CAMTA1: variants seen among roughly 807,000 people sequenced by gnomAD.
CAMTA1 encodes calmodulin-binding transcription activator 1.
Under a neutral mutation model 170.9 loss-of-function variants are expected in CAMTA1, and 27 were observed. The observed-to-expected ratio is 0.16, with a 90% CI of 0.12 to 0.22. The LOEUF is 0.22. CAMTA1 is among the 10% of genes least tolerant of loss of function. The probability of loss-of-function intolerance (pLI) is 1.00; values close to 1 mark genes in which losing one functional copy is unlikely to be tolerated. For synonymous variants in CAMTA1, 833 were observed against 891.5 expected (o/e 0.93, Z 1.17); for missense variants, 1,619 against 2,217.2 (o/e 0.73, Z 5.42).
At position 7,482,795 on chromosome 1, in the gene CAMTA1, A is replaced by G. The variant is rs1020111249; in HGVS notation, c.510+14894A>G. ...CTCCCATGGGGTCTCATTTTGCCCT[A>G]TCTGTGCCCTCAGTTTCTCTGCAGC... On this transcript the variant is annotated intron_variant, in intron 6 of 22. Coordinates refer to ENST00000303635, the MANE Select transcript of CAMTA1 (RefSeq NM_015215.4). The surrounding 1 kb of genome is among the most constrained non-coding windows in gnomAD (Gnocchi z 4.2). Among the ~76,000 whole-genome samples the G allele has an allele frequency of 2.6e-5, 4 of 152,152 alleles. No homozygotes were observed. Among genetic ancestry groups the G allele is most frequent in the Non-Finnish European group, 4.4e-5 (3 of 68,020 alleles).
intron 3 of CAMTA1, among the ~76,000 whole-genome samples, chr1:6,851,250 A>G (rs58474913): frequency 0.017 from 2,604 of 152,314 alleles, 35 homozygotes; most frequent in South Asian, 0.033. Flanking sequence ...CAGTAGAAAA[A>G]CCAAATGTAA....
intron 6 of CAMTA1, among the ~76,000 whole-genome samples, chr1:7,519,473 C>G (rs1295262910): frequency 6.6e-6 from 1 of 151,926 alleles, no homozygotes; most frequent in Non-Finnish European, 1.5e-5. Context: ...ATTCAAGGAG[C>G]CTTGGAGATG....
At chr1:7,242,771 AAAATAAATAAAT>A (rs199861423) in intron 4 of CAMTA1, among the ~76,000 whole-genome samples, 77,858 of 145,408 alleles carry the variant, frequency 0.54, 21,742 homozygotes, top group South Asian at 0.62. Context: ...TACTGAAAAT[AAAATAAATAAAT>A]AAATAAATAA....
chr1:6,828,286 CTTTTTTTTTTTTT>C (rs746522147), intron 3 of CAMTA1, among the ~76,000 whole-genome samples: 1 of 69,714 alleles, frequency 1.4e-5, no homozygotes, highest in Non-Finnish European at 2.5e-5. Flanking sequence ...TCATTCCATC[CTTTTTTTTTTTTT>C]TTTTTTTTTT....
At chr1:7,518,726 C>CT (rs2094321345) in intron 6 of CAMTA1, among the ~76,000 whole-genome samples, 1 of 151,968 alleles carries the variant, frequency 6.6e-6, no homozygotes. Context: ...AGGAAGGTGC[C>CT]CCTCACTCAC....
intron 5 of CAMTA1, among the ~76,000 whole-genome samples, chr1:7,320,627 C>G (rs1467107433): frequency 1.3e-5 from 2 of 150,728 alleles, no homozygotes; most frequent in African/African-American, 4.9e-5. Flanking sequence ...TCTCCACTAT[C>G]CCCCTGGGCT....
intron 4 of CAMTA1, among the ~76,000 whole-genome samples, chr1:7,186,863 A>G (rs1376081784): frequency 6.6e-6 from 1 of 152,086 alleles, no homozygotes; most frequent in Non-Finnish European, 1.5e-5. Flanking sequence ...AACCAGGTAA[A>G]TATTTCCTGG....
intron 6 of CAMTA1, among the ~76,000 whole-genome samples, chr1:7,599,196 AATCCT>A (rs2095422361): frequency 6.6e-6 from 1 of 152,178 alleles, no homozygotes; most frequent in African/African-American, 2.4e-5. Context: ...TTAAATAGGG[AATCCT>A]TTCCCCATTT....
chr1:7,304,177 T>C (rs900888873), intron 5 of CAMTA1, among the ~76,000 whole-genome samples: 26 of 152,188 alleles, frequency 1.7e-4, no homozygotes, highest in African/African-American at 5.8e-4. Context: ...ACGTCCTCAA[T>C]GCCATTGAAT....
At chr1:7,415,987 T>G (rs1220816169) in intron 5 of CAMTA1, among the ~76,000 whole-genome samples, 1 of 152,234 alleles carries the variant, frequency 6.6e-6, no homozygotes, top group Non-Finnish European at 1.5e-5. Flanking sequence ...TTTGCTTGTC[T>G]GTAAAGTACT....
At chr1:7,127,542 A>T (rs1168434965) in intron 4 of CAMTA1, among the ~76,000 whole-genome samples, 2 of 152,070 alleles carry the variant, frequency 1.3e-5, no homozygotes, top group Admixed American at 6.5e-5. Context: ...TGGTGTTGAT[A>T]TGTGCCGGTC....
At chr1:7,047,074 C>A (rs1310795121) in intron 3 of CAMTA1, among the ~76,000 whole-genome samples, 1 of 152,218 alleles carries the variant, frequency 6.6e-6, no homozygotes, top group East Asian at 1.9e-4. Flanking sequence ...TGCTATGTGC[C>A]CTTCTCCTGA....
At chr1:7,099,408 G>A (rs1333811924) in intron 4 of CAMTA1, among the ~76,000 whole-genome samples, 1 of 152,058 alleles carries the variant, frequency 6.6e-6, no homozygotes, top group African/African-American at 2.4e-5. Flanking sequence ...ATGTCAAATG[G>A]CCCTAAAAAA....
intron 4 of CAMTA1, among the ~76,000 whole-genome samples, chr1:7,247,200 A>T (rs1665951103): frequency 6.6e-6 from 1 of 152,260 alleles, no homozygotes; most frequent in Non-Finnish European, 1.5e-5. Flanking sequence ...TGGACACTTA[A>T]GTTCCCTGTG....
chr1:7,630,665 C>T (rs904742575), intron 6 of CAMTA1, among the ~76,000 whole-genome samples: 1 of 152,240 alleles, frequency 6.6e-6, no homozygotes, highest in Admixed American at 6.5e-5. Context: ...GGCGCACAGG[C>T]TTGCGTAATG....
At chr1:7,710,188 T>C (rs912697265) in intron 11 of CAMTA1, among the ~76,000 whole-genome samples, 1 of 152,218 alleles carries the variant, frequency 6.6e-6, no homozygotes, top group Non-Finnish European at 1.5e-5. Flanking sequence ...GCAGTCAACA[T>C]TGAATCAGTG....
chr1:6,789,454 C>T lies in CAMTA1; in HGVS notation c.45+3879C>T, dbSNP rs887657564. Reference sequence around the variant, plus strand: ...CAAAATCTTAACGTTTTTTTCCCCACTGTTTCATTACTTTGAGCCATTCTT... The same window carrying T: ...CAAAATCTTAACGTTTTTTTCCCCATTGTTTCATTACTTTGAGCCATTCTT... On this transcript the variant is annotated intron_variant, in intron 1 of 22. Coordinates refer to ENST00000303635, the MANE Select transcript of CAMTA1 (RefSeq NM_015215.4). Among the ~76,000 whole-genome samples, 7 of 152,178 alleles carry T rather than the reference C, an allele frequency of 4.6e-5. 1 individual carries two copies. Among genetic ancestry groups the T allele is most frequent in the Non-Finnish European group, 8.8e-5 (6 of 68,032 alleles).
In CAMTA1 at chr1:7,534,102, C is replaced by A. The variant is rs536573785; in HGVS notation, c.510+66201C>A. 1.3e-5 allele frequency among the ~76,000 whole-genome samples: 2 copies of A among 152,294 alleles called. No homozygotes were observed. Among genetic ancestry groups the A allele is most frequent in the South Asian group, 4.1e-4 (2 of 4,824 alleles). ...CTCATGGGACTCCTGAGGCCCCTCC[C>A]ATCACCGGTCACCCCGCCCGCCAGG... On this transcript the variant is annotated intron_variant, in intron 6 of 22. Transcript: ENST00000303635. The surrounding 1 kb of genome is among the most constrained non-coding windows in gnomAD (Gnocchi z 5.6).
rs12728338 is a variant in CAMTA1 at position 6,871,935 on chromosome 1, C to G, written c.234+46725C>G. On this transcript the variant is annotated intron_variant, in intron 3 of 22. Coordinates refer to ENST00000303635, the MANE Select transcript of CAMTA1 (RefSeq NM_015215.4). ...TCAAAGTGTAACACGCTGATTTCCT[C>G]AAATAGAGATACCCCTTTGAGTGAT... 2.2e-6 allele frequency: 3 copies of G among 1,338,094 alleles called. No individual in the cohort carries two copies. In the African/African-American group the frequency reaches 4.6e-5, roughly 20 times the overall value. 82.9% of individuals were successfully genotyped at this position (1,338,094 alleles called of 1,614,324 possible).
Sources: gnomAD v4.1 joint callset for allele counts (sites outside exome capture counted in the v4.1 genomes callset) on GRCh38, gnomAD v4.1.1 for gene constraint, Gnocchi (gnomAD v3.1) non-coding constraint, MANE v1.5 for transcripts, NCBI Gene and HGNC (gene_info 2026-07-23, HGNC 2026-07-21) for gene names.